The following MEGF9 variants were observed in gnomAD, a reference collection of about 807,000 sequenced individuals.
MEGF9 encodes the protein multiple EGF like domains 9.
Under a neutral mutation model 46.8 loss-of-function variants are expected in MEGF9, and 6 were observed. That is an observed-to-expected ratio of 0.13 (90% confidence interval 0.07 to 0.25). The LOEUF is 0.25. Ranked by LOEUF, MEGF9 falls within the 10% of genes least tolerant of loss-of-function variation. MEGF9 has a pLI of 1.00. For synonymous variants in MEGF9, 302 were observed against 330.7 expected (o/e 0.91, Z 0.94); for missense variants, 683 against 792.4 (o/e 0.86, Z 1.66).
intron 1 of MEGF9, among the ~76,000 whole-genome samples, chr9:120,688,695 T>C (rs1167638442): frequency 6.6e-6 from 1 of 152,006 alleles, no homozygotes; most frequent in Non-Finnish European, 1.5e-5. Flanking sequence ...ACTACATGTG[T>C]GTTGTGGGAG....
intron 1 of MEGF9, among the ~76,000 whole-genome samples, chr9:120,697,751 T>A (rs924835456): frequency 1.3e-5 from 2 of 152,100 alleles, no homozygotes; most frequent in Admixed American, 6.5e-5. Context: ...CAAGAAACAC[T>A]CTTTGATCTA....
chr9:120,700,629 T>C (rs1384706370), intron 1 of MEGF9, among the ~76,000 whole-genome samples: 1 of 152,084 alleles, frequency 6.6e-6, no homozygotes, highest in Non-Finnish European at 1.5e-5. Flanking sequence ...GGAATGCAAG[T>C]CCTTCCCCCC....
intron 1 of MEGF9, among the ~76,000 whole-genome samples, chr9:120,708,968 G>A (rs779307406): frequency 3.3e-5 from 5 of 152,066 alleles, no homozygotes; most frequent in Admixed American, 6.6e-5. Flanking sequence ...AACATAATGC[G>A]GCTGCCAAAA....
At chr9:120,667,509 T>C (rs2043730419) in intron 1 of MEGF9, among the ~76,000 whole-genome samples, 2 of 152,236 alleles carry the variant, frequency 1.3e-5, no homozygotes, top group Non-Finnish European at 1.5e-5. Flanking sequence ...TTAAAAACCC[T>C]ACTCTGTTTA....
In MEGF9 at chr9:120,663,446, C is replaced by CT. The variant is rs1285452402; in HGVS notation, c.602-3872_602-3871insA. 2.6e-5 allele frequency among the ~76,000 whole-genome samples: 4 copies of CT among 152,100 alleles called. 1 individual carries two copies. Among genetic ancestry groups the CT allele is most frequent in the Admixed American group, 2.6e-4 (4 of 15,266 alleles). ...GTGCGGAACCAGATAGGAGTTAATGCAGAAATAATGCAATCCCCTTAGTAA... is the reference window on the plus strand; with the variant it reads ...GTGCGGAACCAGATAGGAGTTAATGCTAGAAATAATGCAATCCCCTTAGTAA... On this transcript the variant is annotated intron_variant, in intron 1 of 5. Transcript: ENST00000373930.
chr9:120,685,167 G>A (rs1310194587), intron 1 of MEGF9, among the ~76,000 whole-genome samples: 5 of 152,158 alleles, frequency 3.3e-5, no homozygotes, highest in African/African-American at 1.2e-4. Context: ...GATTTTGGAA[G>A]CATCAAGATG....
chr9:120,703,983 A>AG (rs1484665482), intron 1 of MEGF9, among the ~76,000 whole-genome samples: 1 of 151,822 alleles, frequency 6.6e-6, no homozygotes, highest in East Asian at 1.9e-4. Context: ...AAAAAAAAAA[A>AG]AGATAATGCC....
intron 1 of MEGF9, among the ~76,000 whole-genome samples, chr9:120,706,193 T>A (rs2043928264): frequency 6.6e-6 from 1 of 152,142 alleles, no homozygotes; most frequent in Non-Finnish European, 1.5e-5. Context: ...GATGAGAAAT[T>A]ATGCACACTT....
intron 1 of MEGF9, among the ~76,000 whole-genome samples, chr9:120,710,649 T>G (rs2132348102): frequency 6.6e-6 from 1 of 152,298 alleles, no homozygotes; most frequent in South Asian, 2.1e-4. Flanking sequence ...ATAAGACCTA[T>G]TCAATCAAAT....
chr9:120,688,722 A>G (rs972893965), intron 1 of MEGF9, among the ~76,000 whole-genome samples: 18 of 152,216 alleles, frequency 1.2e-4, no homozygotes, highest in Admixed American at 1.3e-4. Context: ...TTTAGATAGG[A>G]TGGACATAGG....
intron 2 of MEGF9, among the ~76,000 whole-genome samples, chr9:120,636,658 G>T (rs182989322): frequency 3.6e-4 from 55 of 152,172 alleles, no homozygotes; most frequent in African/African-American, 1.2e-3. Context: ...TTCCTTCACT[G>T]TTTTTTTTAA....
In MEGF9 at chr9:120,671,013, A is replaced by G. The variant is rs544552802; in HGVS notation, c.602-11438T>C. On this transcript the variant is annotated intron_variant, in intron 1 of 5. Transcript: ENST00000373930. Reference sequence around the variant, plus strand: ...TTCTTAATGCTCTGCAATCTTTTCTAAACTCTACTAAAAATGCTCTCTCAA... The same window carrying G: ...TTCTTAATGCTCTGCAATCTTTTCTGAACTCTACTAAAAATGCTCTCTCAA... Among the ~76,000 whole-genome samples, 6 of 152,304 alleles carry G rather than the reference A, an allele frequency of 3.9e-5. No individual in the cohort carries two copies. In the South Asian group the frequency reaches 1.2e-3, roughly 32 times the overall value.
In MEGF9 at chr9:120,713,931, G is replaced by C; in HGVS notation, c.428C>G (p.Pro143Arg). Residue 143 changes from proline to arginine, a missense_variant, in exon 1 of 6, where the codon CCC (proline) becomes CGC (arginine). Around this residue, in one of 2 missense-constraint regions of MEGF9, gnomAD observed 370 missense variants for 371.3 expected, o/e 1.00. Coordinates refer to ENST00000373930, the MANE Select transcript of MEGF9 (RefSeq NM_001080497.3). ...GGTCGTCGAAAGGGTGGTCGGCGCGGGTCTGGTCGGCGCCTGAGAGGTGGT... is the reference window on the plus strand; with the variant it reads ...GGTCGTCGAAAGGGTGGTCGGCGCGCGTCTGGTCGGCGCCTGAGAGGTGGT... Reference protein sequence around the residue: ...TSTTSQAPTRPAPTTLSTTTG... With the variant: ...TSTTSQAPTRRAPTTLSTTTG... The C allele has an allele frequency of 7.3e-7, 1 of 1,368,228 alleles. No individual in the cohort carries two copies. Among genetic ancestry groups the C allele is most frequent in the East Asian group, 2.8e-5 (1 of 36,076 alleles). The allele number at this position is 1,368,228 out of a possible 1,614,324, so 84.8% of individuals were successfully genotyped here. A position where few individuals can be genotyped will look rare whatever the true frequency, so the allele number is the denominator to read the frequency against.
intron 1 of MEGF9, among the ~76,000 whole-genome samples, chr9:120,687,966 A>T (rs2043830921): frequency 6.6e-6 from 1 of 152,176 alleles, no homozygotes; most frequent in Admixed American, 6.6e-5. Context: ...CATATTTTTT[A>T]AAATGAAGAA....
chr9:120,632,026 C>T (rs962408301), intron 2 of MEGF9, among the ~76,000 whole-genome samples: 14 of 152,192 alleles, frequency 9.2e-5, no homozygotes, highest in Admixed American at 6.5e-4. Flanking sequence ...CTCCCAGGTT[C>T]AAGTGATTTG....
intron 4 of MEGF9, among the ~76,000 whole-genome samples, chr9:120,611,642 TG>T (rs1374048768): frequency 1.3e-5 from 2 of 152,010 alleles, no homozygotes; most frequent in East Asian, 3.9e-4. Context: ...GTCCTTTTGT[TG>T]GGGGAGGTGA....
At chr9:120,706,426 GC>G (rs531872443) in intron 1 of MEGF9, among the ~76,000 whole-genome samples, 1,621 of 151,928 alleles carry the variant, frequency 0.011, 30 homozygotes, top group African/African-American at 0.034. Flanking sequence ...GGGGGGCCTG[GC>G]CCCCCAAAAA....
chr9:120,632,476 T>G (rs1418882248), intron 2 of MEGF9, among the ~76,000 whole-genome samples: 2 of 152,222 alleles, frequency 1.3e-5, no homozygotes, highest in Non-Finnish European at 2.9e-5. Context: ...AATTCATTTA[T>G]CAGTTCTAAG....
intron 3 of MEGF9, among the ~76,000 whole-genome samples, chr9:120,619,957 T>C (rs771614397): frequency 2.0e-5 from 3 of 151,438 alleles, no homozygotes; most frequent in Non-Finnish European, 4.4e-5. Flanking sequence ...CACAGCACTG[T>C]TGAAAATAAA....
Sources: allele counts gnomAD v4.1 joint callset (sites outside exome capture counted in the v4.1 genomes callset), GRCh38; gene constraint gnomAD v4.1.1; regional missense constraint gnomAD v4.1.1; transcripts MANE v1.5; gene names NCBI Gene and HGNC (gene_info 2026-07-23, HGNC 2026-07-21).